Variants in ZNRF2 observed in about 807,000 individuals in gnomAD.
ZNRF2 encodes the protein E3 ubiquitin-protein ligase ZNRF2.
Under a neutral mutation model 20.4 loss-of-function variants are expected in ZNRF2, and 16 were observed. That is an observed-to-expected ratio of 0.79 (90% CI 0.53 to 1.19). The LOEUF (loss-of-function observed/expected upper bound fraction) is 1.19. Among genes scored for constraint, ZNRF2 ranks in the 50% most tolerant of loss-of-function variants. The pLI, the probability that ZNRF2 is intolerant of heterozygous loss-of-function variation, is 0.00. For synonymous variants in ZNRF2, 178 were observed against 144.9 expected (o/e 1.23, Z -1.64); for missense variants, 363 against 332.4 (o/e 1.09, Z -0.72).
chr7:30,323,566 G>A (rs554700916), intron 1 of ZNRF2, 76 bp from the exon 2 acceptor site: 1 of 1,012,194 alleles, frequency 9.9e-7, no homozygotes, highest in Admixed American at 2.7e-5. Context: ...AACGCTTTTT[G>A]ATTTTCCATG....
At chr7:30,327,745 C>G (rs1197952084) in intron 2 of ZNRF2, among the ~76,000 whole-genome samples, 1 of 152,008 alleles carries the variant, frequency 6.6e-6, no homozygotes, top group East Asian at 1.9e-4. Context: ...GGCTGGAGCT[C>G]AGTGGCTATC....
chr7:30,354,670 A>G (rs1800010147), intron 2 of ZNRF2, among the ~76,000 whole-genome samples: 1 of 152,204 alleles, frequency 6.6e-6, no homozygotes, highest in African/African-American at 2.4e-5. Flanking sequence ...GTAGAGATTG[A>G]TGCAGTCTTT....
intron 1 of ZNRF2, among the ~76,000 whole-genome samples, chr7:30,298,266 A>G (rs1799050753): frequency 6.6e-6 from 1 of 152,072 alleles, no homozygotes; most frequent in Non-Finnish European, 1.5e-5. Context: ...ATGTATGTGT[A>G]TGCTTTGTTC....
chr7:30,358,074 T>A (rs1057062285), intron 3 of ZNRF2, among the ~76,000 whole-genome samples: 6 of 152,194 alleles, frequency 3.9e-5, no homozygotes, highest in African/African-American at 1.2e-4. Context: ...TGTAATTTAC[T>A]ACATTAACAA....
At chr7:30,364,771 T>C (rs1283221316) in intron 4 of ZNRF2, among the ~76,000 whole-genome samples, 1 of 152,178 alleles carries the variant, frequency 6.6e-6, no homozygotes, top group Non-Finnish European at 1.5e-5. Flanking sequence ...TAGATAAAAT[T>C]TGTCTTTTTA....
chr7:30,326,113 T>G lies in ZNRF2; in HGVS notation c.565+2376T>G, dbSNP rs184661841. Reference sequence around the variant, plus strand: ...TGTGTAATATATCTAGAATACAGTCTTCTTGTGTATTGTGATATTTAACAA... The same window carrying G: ...TGTGTAATATATCTAGAATACAGTCGTCTTGTGTATTGTGATATTTAACAA... On this transcript the variant is annotated intron_variant, in intron 2 of 4. Coordinates refer to ENST00000323037, the MANE Select transcript of ZNRF2 (RefSeq NM_147128.4). Among the ~76,000 whole-genome samples the G allele has an allele frequency of 6.6e-3, 1,012 of 152,306 alleles. 16 individuals carry two copies. The highest frequency in any genetic ancestry group is 0.023 in the African/African-American group (973 of 41,562).
Position 30,285,157 on chromosome 7 carries a change from C to T in ZNRF2, c.-201C>T. On this transcript the variant is annotated 5_prime_UTR_variant, in exon 1 of 5. Transcript: ENST00000323037. ...CCTCGTCTCCCGCGCCCGCGTCAGG[C>T]CGTCGGCCTCGCCCGCCGCCCCAAG... 2.4e-6 allele frequency: 1 copy of T among 417,182 alleles called. No homozygotes were observed. Among genetic ancestry groups the T allele is most frequent in the Non-Finnish European group, 4.6e-6 (1 of 218,204 alleles). The allele number at this position is 417,182 out of a possible 1,614,324, so 25.8% of individuals were successfully genotyped here.
intron 3 of ZNRF2, among the ~76,000 whole-genome samples, chr7:30,356,890 A>G (rs899678990): frequency 1.3e-5 from 2 of 152,042 alleles, no homozygotes; most frequent in Non-Finnish European, 2.9e-5. Flanking sequence ...TATTTTTAGT[A>G]GAAACGGGGT....
intron 1 of ZNRF2, among the ~76,000 whole-genome samples, chr7:30,289,382 A>C (rs1798854104): frequency 6.6e-6 from 1 of 152,244 alleles, no homozygotes; most frequent in African/African-American, 2.4e-5. Flanking sequence ...ATTAACCATT[A>C]TGGAATCGGT....
chr7:30,356,624 C>T (rs1172360688), intron 3 of ZNRF2, among the ~76,000 whole-genome samples: 1 of 147,320 alleles, frequency 6.8e-6, no homozygotes, highest in Non-Finnish European at 1.5e-5. Flanking sequence ...TAGTATTAGA[C>T]AAAGCAAACT....
Position 30,306,657 on chromosome 7 carries a change from A to G in ZNRF2, c.470-16985A>G, listed in dbSNP as rs531951406. ...TTTTCCTAAAACACTGGATAATCCA[A>G]TTGCTGTGAAATAGAATTTAGGTAA... On this transcript the variant is annotated intron_variant, in intron 1 of 4. Transcript: ENST00000323037. Among the ~76,000 whole-genome samples, 24 of 152,250 alleles carry G rather than the reference A, an allele frequency of 1.6e-4. No individual in the cohort carries two copies. The East Asian group carries it at 1.9e-3, about 12-fold the overall frequency.
chr7:30,332,843 G>T (rs1421930935), intron 2 of ZNRF2, among the ~76,000 whole-genome samples: 1 of 152,126 alleles, frequency 6.6e-6, no homozygotes, highest in Non-Finnish European at 1.5e-5. Context: ...ACATACGAGT[G>T]CAGGTGTCTT....
chr7:30,341,070 C>T (rs566720510), intron 2 of ZNRF2, among the ~76,000 whole-genome samples: 19 of 152,106 alleles, frequency 1.2e-4, no homozygotes, highest in South Asian at 4.1e-4. Context: ...TGTATTTCTG[C>T]GGGATCAGTG....
chr7:30,285,674 G>C lies in ZNRF2; in HGVS notation c.317G>C (p.Ser106Thr). The change falls in exon 1 of 5, where the codon AGC becomes ACC. Residue 106 changes from serine to threonine, a missense_variant. Physicochemically the swap from Ser to Thr is moderately conservative, Grantham distance 58. Transcript: ENST00000323037. Reference sequence around the variant, plus strand: ...CAGTCCCCCTTCAGCATCCCGAACAGCAGCAGCGGCCCGTACGGCTCGCAG... The same window carrying C: ...CAGTCCCCCTTCAGCATCCCGAACACCAGCAGCGGCCCGTACGGCTCGCAG... The part of the protein sequence containing the change: ...AAQSPFSIPN[S>T]SSGPYGSQDS... 3 of 1,440,466 alleles carry C rather than the reference G, an allele frequency of 2.1e-6. No homozygotes were observed. Among genetic ancestry groups the C allele is most frequent in the African/African-American group, 3.0e-5 (2 of 66,394 alleles). 89.2% of individuals were successfully genotyped at this position (1,440,466 alleles called of 1,614,324 possible).
chr7:30,350,249 G>A (rs17158885), intron 2 of ZNRF2, among the ~76,000 whole-genome samples: 6,118 of 151,942 alleles, frequency 0.04, 338 homozygotes, highest in African/African-American at 0.12. Flanking sequence ...ACCGAATTTC[G>A]ATTTCCAGAA....
intron 2 of ZNRF2, among the ~76,000 whole-genome samples, chr7:30,342,230 T>G (rs957928180): frequency 1.3e-5 from 2 of 152,218 alleles, no homozygotes; most frequent in African/African-American, 4.8e-5. Context: ...CATTTACATT[T>G]AAAATTAATA....
At chr7:30,311,018 C>A (rs1268577515) in intron 1 of ZNRF2, among the ~76,000 whole-genome samples, 1 of 152,102 alleles carries the variant, frequency 6.6e-6, no homozygotes, top group Non-Finnish European at 1.5e-5. Flanking sequence ...CATGCCTTTT[C>A]CAAGCTGTTG....
intron 1 of ZNRF2, among the ~76,000 whole-genome samples, chr7:30,296,595 A>G (rs1416187371): frequency 6.6e-6 from 1 of 152,154 alleles, no homozygotes; most frequent in African/African-American, 2.4e-5. Context: ...TTGATTTGTA[A>G]TTCTCCAGAT....
intron 1 of ZNRF2, among the ~76,000 whole-genome samples, chr7:30,311,116 A>T (rs1799285595): frequency 6.6e-6 from 1 of 152,110 alleles, no homozygotes; most frequent in Non-Finnish European, 1.5e-5. Context: ...TCTGCGCTGT[A>T]TGTAAGCCTC....
Sources: allele counts gnomAD v4.1 joint callset (sites outside exome capture counted in the v4.1 genomes callset), GRCh38; gene constraint gnomAD v4.1.1; transcripts MANE v1.5; gene names NCBI Gene and HGNC (gene_info 2026-07-23, HGNC 2026-07-21).